TMC1: variants seen among roughly 807,000 people sequenced by gnomAD.
TMC1 encodes the protein transmembrane channel-like protein 1.
Under a neutral mutation model 105.8 loss-of-function variants are expected in TMC1, and 84 were observed. That is an observed-to-expected ratio of 0.79 (90% CI 0.67 to 0.95). TMC1 has a LOEUF of 0.95. Among genes scored for constraint, TMC1 ranks in the 40% least tolerant of loss-of-function variants. TMC1 has a pLI of 0.00. For missense variants in TMC1, 817 were observed against 914.1 expected, an observed-to-expected ratio of 0.89 and a Z score of 1.37; for synonymous variants, 315 against 311.5, an observed-to-expected ratio of 1.01 and a Z score of -0.12.
chr9:72,565,270 G>C (rs1397731957), intron 1 of TMC1, among the ~76,000 whole-genome samples: 1 of 152,192 alleles, frequency 6.6e-6, no homozygotes, highest in Non-Finnish European at 1.5e-5. Flanking sequence ...AGGATGATGA[G>C]AAACATTGAC....
At chr9:72,581,335 G>A (rs1824470753) in intron 2 of TMC1, among the ~76,000 whole-genome samples, 1 of 152,104 alleles carries the variant, frequency 6.6e-6, no homozygotes, top group African/African-American at 2.4e-5. Flanking sequence ...CTTTTCACAA[G>A]GATATTTCAT....
intron 4 of TMC1, among the ~76,000 whole-genome samples, chr9:72,635,571 T>A (rs1825519975): frequency 6.6e-6 from 1 of 152,210 alleles, no homozygotes; most frequent in Admixed American, 6.5e-5. Flanking sequence ...TTATTATAAA[T>A]CACACTATCT....
intron 1 of TMC1, among the ~76,000 whole-genome samples, chr9:72,524,147 T>G (rs1168145995): frequency 1.3e-5 from 2 of 152,202 alleles, no homozygotes; most frequent in African/African-American, 4.8e-5. Flanking sequence ...CAGTTGAGCT[T>G]TTGCAGAATC....
At chr9:72,754,694 A>G (rs888645680) in intron 11 of TMC1, 92 bp from the exon 12 acceptor site, 23 of 988,730 alleles carry the variant, frequency 2.3e-5, no homozygotes, top group Non-Finnish European at 3.7e-5. Context: ...AAAATGTTTC[A>G]GAAGGGCTTT....
At chr9:72,559,365 A>G (rs1824004688) in intron 1 of TMC1, among the ~76,000 whole-genome samples, 2 of 152,306 alleles carry the variant, frequency 1.3e-5, no homozygotes, top group South Asian at 4.1e-4. Context: ...AAGTGCTGGG[A>G]TTACAGGCGT....
intron 2 of TMC1, among the ~76,000 whole-genome samples, chr9:72,579,426 C>A (rs1016450714): frequency 6.6e-6 from 1 of 152,152 alleles, no homozygotes; most frequent in Non-Finnish European, 1.5e-5. Flanking sequence ...TCCAAGCAAG[C>A]CTTGTAGACT....
intron 5 of TMC1, among the ~76,000 whole-genome samples, chr9:72,654,681 T>C (rs914383675): frequency 6.6e-6 from 1 of 152,150 alleles, no homozygotes; most frequent in Admixed American, 6.5e-5. Flanking sequence ...TTATAAACTC[T>C]ACAATCTATC....
intron 2 of TMC1, among the ~76,000 whole-genome samples, chr9:72,587,170 T>C (rs1000178553): frequency 6.6e-6 from 1 of 152,128 alleles, no homozygotes; most frequent in Admixed American, 6.5e-5. Flanking sequence ...CTTTTTTTTT[T>C]TTTTTGACAT....
intron 3 of TMC1, among the ~76,000 whole-genome samples, chr9:72,623,567 A>C (rs1392905523): frequency 1.3e-5 from 2 of 152,136 alleles, no homozygotes; most frequent in Non-Finnish European, 2.9e-5. Flanking sequence ...GACAGAATGC[A>C]CAAACTTTTA....
At chr9:72,524,137 C>T (rs933834937) in intron 1 of TMC1, among the ~76,000 whole-genome samples, 1 of 152,160 alleles carries the variant, frequency 6.6e-6, no homozygotes, top group Non-Finnish European at 1.5e-5. Context: ...AGCCTGAAAT[C>T]AGTTGAGCTT....
At chr9:72,812,304 G>C (rs546989838) in intron 18 of TMC1, among the ~76,000 whole-genome samples, 2 of 152,288 alleles carry the variant, frequency 1.3e-5, no homozygotes, top group South Asian at 4.1e-4. Flanking sequence ...ATCAGTTCGG[G>C]AAGGTAGAAT....
chr9:72,743,368 C>CAAAAAA (rs57505302), intron 10 of TMC1, among the ~76,000 whole-genome samples: 2 of 110,184 alleles, frequency 1.8e-5, no homozygotes, highest in Non-Finnish European at 4.2e-5. Flanking sequence ...CTCCGTCTCA[C>CAAAAAA]AAAAAAAAAA....
rs761521390 is a variant in TMC1, at chr9:72,576,852, A to C, written c.-427-1050A>C. Among the ~76,000 whole-genome samples, 6 of 151,778 alleles carry C rather than the reference A, an allele frequency of 4.0e-5. No homozygotes were observed. The South Asian group carries it at 1.2e-3, about 32-fold the overall frequency. ...CACCATGTTGGCCAGGGTGGTCTGG[A>C]TCTCCTGACCTCGTGATCCACCCGC... On this transcript the variant is annotated intron_variant, in intron 1 of 23. Coordinates refer to ENST00000297784, the MANE Select transcript of TMC1 (RefSeq NM_138691.3).
intron 2 of TMC1, among the ~76,000 whole-genome samples, chr9:72,587,855 G>A (rs1224713488): frequency 6.7e-6 from 1 of 150,344 alleles, no homozygotes; most frequent in Non-Finnish European, 1.5e-5. Flanking sequence ...GCGCCATCTC[G>A]GCTCACTGCA....
At chr9:72,700,737 TATATATAC>T (rs1564499952) in intron 8 of TMC1, 94 bp downstream of exon 8, 8 of 164,130 alleles carry the variant, frequency 4.9e-5, no homozygotes, top group South Asian at 2.1e-4. Context: ...TATATATATA[TATATATAC>T]ACACACACAC....
intron 12 of TMC1, among the ~76,000 whole-genome samples, chr9:72,769,701 T>G (rs1175782033): frequency 1.3e-5 from 2 of 152,274 alleles, no homozygotes; most frequent in East Asian, 3.9e-4. Flanking sequence ...TAAAATAAGG[T>G]GTTTGGCAAG....
intron 18 of TMC1, among the ~76,000 whole-genome samples, chr9:72,814,394 C>T (rs888725108): frequency 4.6e-5 from 7 of 152,176 alleles, no homozygotes; most frequent in Non-Finnish European, 8.8e-5. Flanking sequence ...CCATGAAGGA[C>T]ACATTTTTTT....
At chr9:72,703,031 T>C (rs1826671346) in intron 8 of TMC1, among the ~76,000 whole-genome samples, 1 of 152,188 alleles carries the variant, frequency 6.6e-6, no homozygotes, top group Non-Finnish European at 1.5e-5. Context: ...TTTATTTTTT[T>C]TAACCGTGGC....
intron 2 of TMC1, among the ~76,000 whole-genome samples, chr9:72,592,539 C>A (rs1186902440): frequency 6.6e-6 from 1 of 152,156 alleles, no homozygotes; most frequent in East Asian, 1.9e-4. Flanking sequence ...AATTTACCCC[C>A]TACTTCTCCT....
Sources: allele counts gnomAD v4.1 joint callset (sites outside exome capture counted in the v4.1 genomes callset), GRCh38; gene constraint gnomAD v4.1.1; transcripts MANE v1.5; gene names NCBI Gene and HGNC (gene_info 2026-07-23, HGNC 2026-07-21).